Variants in SPAG16 observed in about 807,000 individuals in gnomAD.
The protein encoded by SPAG16 is sperm associated antigen 16.
Under a neutral mutation model 80.4 loss-of-function variants are expected in SPAG16, and 86 were observed. That is an observed-to-expected ratio of 1.07 (90% CI 0.90 to 1.28). The LOEUF (loss-of-function observed/expected upper bound fraction) is 1.28. Ranked by LOEUF, SPAG16 falls within the 50% of genes most tolerant of loss-of-function variation. The pLI is 0.00. For synonymous variants in SPAG16, 294 were observed against 265.9 expected (o/e 1.11, Z -1.03); for missense variants, 870 against 765.3 (o/e 1.14, Z -1.61).
chr2:213,869,264 A>AATATATAT (rs1553648742), intron 11 of SPAG16, among the ~76,000 whole-genome samples: 3 of 63,594 alleles, frequency 4.7e-5, no homozygotes, highest in Non-Finnish European at 1.1e-4. Flanking sequence ...AAAAAAAAAA[A>AATATATAT]ATATATATAT....
At chr2:213,480,568 C>A (rs2073693759) in intron 9 of SPAG16, among the ~76,000 whole-genome samples, 1 of 152,132 alleles carries the variant, frequency 6.6e-6, no homozygotes, top group Admixed American at 6.5e-5. Context: ...AAACAGGTCA[C>A]CATTTTCAAA....
intron 13 of SPAG16, among the ~76,000 whole-genome samples, chr2:214,087,031 G>C (rs1235565941): frequency 7.0e-6 from 1 of 142,160 alleles, no homozygotes; most frequent in Non-Finnish European, 1.6e-5. Context: ...ACTTTCTTGT[G>C]ATTTTTCATT....
rs555817462 is a variant in SPAG16, at chr2:213,969,953, T to G, written c.1400+39808T>G. ...ACTGAGTAACTTGTGAAAAACAAAT[T>G]TATTTTTCACATTTTTGGAGCCTGG... On this transcript the variant is annotated intron_variant, in intron 12 of 15. Transcript: ENST00000331683. 2.2e-4 allele frequency among the ~76,000 whole-genome samples: 33 copies of G among 152,294 alleles called. 2 individuals are homozygous for G. Among genetic ancestry groups the G allele is most frequent in the Admixed American group, 1.7e-3 (26 of 15,306 alleles).
At chr2:213,727,100 A>G (rs963723596) in intron 10 of SPAG16, among the ~76,000 whole-genome samples, 1 of 152,216 alleles carries the variant, frequency 6.6e-6, no homozygotes, top group African/African-American at 2.4e-5. Context: ...ATGAATATAC[A>G]TTGAAATTTA....
intron 10 of SPAG16, among the ~76,000 whole-genome samples, chr2:213,522,821 CTT>C (rs1491434006): frequency 3.4e-5 from 5 of 147,138 alleles, no homozygotes; most frequent in South Asian, 2.1e-4. Flanking sequence ...ATATAACAAA[CTT>C]ATATATATAT....
intron 10 of SPAG16, among the ~76,000 whole-genome samples, chr2:213,850,260 G>A (rs1325528498): frequency 6.6e-6 from 1 of 152,162 alleles, no homozygotes; most frequent in Non-Finnish European, 1.5e-5. Flanking sequence ...CGGAAAACTA[G>A]AAAGATGTGA....
At chr2:214,147,028 C>A (rs2055679096) in intron 14 of SPAG16, among the ~76,000 whole-genome samples, 1 of 151,086 alleles carries the variant, frequency 6.6e-6, no homozygotes, top group African/African-American at 2.4e-5. Flanking sequence ...TTTTCATATT[C>A]ATTTTACCAT....
intron 13 of SPAG16, among the ~76,000 whole-genome samples, chr2:214,088,998 A>C (rs578043360): frequency 6.6e-6 from 1 of 152,286 alleles, no homozygotes; most frequent in Admixed American, 6.6e-5. Flanking sequence ...GTATATTGAA[A>C]TAACATCAGA....
intron 10 of SPAG16, among the ~76,000 whole-genome samples, chr2:213,695,007 G>C (rs539126243): frequency 6.6e-6 from 1 of 151,892 alleles, no homozygotes; most frequent in Non-Finnish European, 1.5e-5. Flanking sequence ...TTTGGATCTT[G>C]ATTTTTTATA....
intron 13 of SPAG16, among the ~76,000 whole-genome samples, chr2:214,106,011 G>A (rs1346185059): frequency 2.0e-5 from 3 of 151,364 alleles, no homozygotes. Flanking sequence ...ATTCTACTTT[G>A]AATTAAAACT....
intron 15 of SPAG16, among the ~76,000 whole-genome samples, chr2:214,321,516 T>G (rs989795296): frequency 1.3e-5 from 2 of 152,208 alleles, no homozygotes; most frequent in African/African-American, 4.8e-5. Flanking sequence ...GTGGCTCTGG[T>G]TCTGCCCTAT....
At chr2:213,688,899 T>G (rs1467938095) in intron 10 of SPAG16, among the ~76,000 whole-genome samples, 1 of 152,222 alleles carries the variant, frequency 6.6e-6, no homozygotes, top group African/African-American at 2.4e-5. Context: ...CCCTGTTTCT[T>G]CTTAACCTAT....
intron 15 of SPAG16, among the ~76,000 whole-genome samples, chr2:214,284,700 T>G (rs1156246541): frequency 6.6e-6 from 1 of 152,230 alleles, no homozygotes; most frequent in African/African-American, 2.4e-5. Context: ...ATTCATTAGG[T>G]AAGAAAGTCT....
chr2:213,682,894 G>T (rs529925392), intron 10 of SPAG16, among the ~76,000 whole-genome samples: 2 of 152,272 alleles, frequency 1.3e-5, no homozygotes, highest in East Asian at 3.9e-4. Context: ...TGATGATCCT[G>T]CTCTGTCAAT....
intron 10 of SPAG16, among the ~76,000 whole-genome samples, chr2:213,702,981 G>A (rs916072453): frequency 6.6e-6 from 1 of 152,110 alleles, no homozygotes; most frequent in Admixed American, 6.5e-5. Context: ...GATTATACCT[G>A]CCCACAATGT....
At chr2:213,712,343 T>G (rs1436875652) in intron 10 of SPAG16, among the ~76,000 whole-genome samples, 2 of 152,148 alleles carry the variant, frequency 1.3e-5, no homozygotes, top group African/African-American at 4.8e-5. Context: ...TAGACATTGT[T>G]CTATATCCTT....
At chr2:213,479,549 T>C (rs916743268) in intron 9 of SPAG16, among the ~76,000 whole-genome samples, 9 of 152,144 alleles carry the variant, frequency 5.9e-5, no homozygotes, top group Non-Finnish European at 1.3e-4. Context: ...ATTTGTTGAA[T>C]GATTCAACGA....
intron 10 of SPAG16, among the ~76,000 whole-genome samples, chr2:213,649,888 C>A (rs1032273955): frequency 6.6e-6 from 1 of 152,106 alleles, no homozygotes. Context: ...AGCTAGTTAT[C>A]CAAAACTATG....
intron 5 of SPAG16, among the ~76,000 whole-genome samples, chr2:213,329,751 T>C (rs1286050464): frequency 6.6e-6 from 1 of 152,036 alleles, no homozygotes; most frequent in African/African-American, 2.4e-5. Context: ...GGGGAAAATG[T>C]CTCCAGGGCA....
Sources: gnomAD v4.1 joint callset for allele counts (sites outside exome capture counted in the v4.1 genomes callset) on GRCh38, gnomAD v4.1.1 for gene constraint, MANE v1.5 for transcripts, NCBI Gene and HGNC (gene_info 2026-07-23, HGNC 2026-07-21) for gene names.